Variants in CUX1 observed in about 807,000 individuals in gnomAD.
CUX1 encodes protein CASP.
In CUX1, 31 loss-of-function variants were observed where a neutral mutation model predicts 158.8. That is an observed-to-expected ratio of 0.20 (90% CI 0.15 to 0.26). The LOEUF (loss-of-function observed/expected upper bound fraction) is 0.26. CUX1 is among the 10% of genes least tolerant of loss of function. CUX1 has a pLI of 1.00. For missense variants in CUX1, 1,589 were observed against 2,014.6 expected, an observed-to-expected ratio of 0.79 and a Z score of 4.04; for synonymous variants, 879 against 862.1, an observed-to-expected ratio of 1.02 and a Z score of -0.34.
intron 2 of CUX1, among the ~76,000 whole-genome samples, chr7:101,971,943 T>C (rs74608574): frequency 0.012 from 1,754 of 152,264 alleles, 30 homozygotes; most frequent in African/African-American, 0.04. Context: ...GTGAGTTGGG[T>C]GATTTCAGAT....
Position 101,999,886 on chromosome 7 carries a change from G to A in CUX1, c.142-28212G>A, listed in dbSNP as rs186204338. 1.2e-3 allele frequency among the ~76,000 whole-genome samples: 179 copies of A among 151,894 alleles called. 2 individuals are homozygous for A. Among genetic ancestry groups the A allele is most frequent in the African/African-American group, 4.1e-3 (169 of 41,502 alleles). On this transcript the variant is annotated intron_variant, in intron 2 of 23. Coordinates refer to ENST00000292535, the MANE Select transcript of CUX1 (RefSeq NM_181552.4). ...CTGGTTTTATCAGTGGCATGCGTGC[G>A]TGTGTGTGTGCGTGTGTGTGTGCAT...
In CUX1 at chr7:102,252,064, C is replaced by T. The variant is rs1224418214; in HGVS notation, c.*3022C>T. ...CCAGACTTACATCTGGTGCCAGATACAATCAGTTGGTTAAATTTTGCTTGC... is the reference window on the plus strand; with the variant it reads ...CCAGACTTACATCTGGTGCCAGATATAATCAGTTGGTTAAATTTTGCTTGC... On this transcript the variant is annotated 3_prime_UTR_variant, in exon 24 of 24. Coordinates refer to ENST00000292535, the MANE Select transcript of CUX1 (RefSeq NM_181552.4). The T allele has an allele frequency of 3.0e-6, 3 of 985,266 alleles. No homozygotes were observed. The highest frequency in any genetic ancestry group is 3.6e-6 in the Non-Finnish European group (3 of 829,946). 61.0% of individuals were successfully genotyped at this position (985,266 alleles called of 1,614,324 possible).
chr7:102,119,297 T>A (rs528059606), intron 8 of CUX1, among the ~76,000 whole-genome samples: 22 of 152,272 alleles, frequency 1.4e-4, no homozygotes, highest in Admixed American at 1.3e-3. Flanking sequence ...CTCTCCCGTT[T>A]TGGAGAGAAG....
At position 102,248,718 on chromosome 7, in the gene CUX1, C is replaced by A; in HGVS notation, c.4194C>A (p.Gly1398=). 8.5e-7 allele frequency: 1 copy of A among 1,172,280 alleles called. No individual in the cohort carries two copies. The highest frequency in any genetic ancestry group is 4.9e-5 in the Admixed American group (1 of 20,216). The allele number at this position is 1,172,280 out of a possible 1,614,324, so 72.6% of individuals were successfully genotyped here. A position where few individuals can be genotyped will look rare whatever the true frequency, so the allele number is the denominator to read the frequency against. Residue 1398 remains glycine, a synonymous_variant, in exon 24 of 24, where the codon GGC becomes GGA. Transcript: ENST00000292535. This position sits in a 1 kb window ranked among gnomAD's most constrained non-coding sequence, Gnocchi z 5.8. Reference sequence around the variant, plus strand: ...ACCACGAGGGAGGCCCCGTGGAAGGCCCGGGGCCCCTGCCCAGCCCCGCCT... The same window carrying A: ...ACCACGAGGGAGGCCCCGTGGAAGGACCGGGGCCCCTGCCCAGCCCCGCCT... ...DDDHEGGPVE[G]PGPLPSPASA...
chr7:101,859,537 T>G (rs1391328055), intron 1 of CUX1, among the ~76,000 whole-genome samples: 4 of 152,202 alleles, frequency 2.6e-5, no homozygotes, highest in Admixed American at 2.6e-4. Flanking sequence ...CACTCCCTAT[T>G]TTTCTTCCCA....
At chr7:102,065,428 G>A (rs940282272) in intron 3 of CUX1, among the ~76,000 whole-genome samples, 1 of 152,124 alleles carries the variant, frequency 6.6e-6, no homozygotes, top group Non-Finnish European at 1.5e-5. Context: ...GCCCAGGCTG[G>A]TCTTGAACTC....
chr7:102,184,347 G>A (rs1455228047), intron 11 of CUX1, among the ~76,000 whole-genome samples: 1 of 152,234 alleles, frequency 6.6e-6, no homozygotes, highest in Non-Finnish European at 1.5e-5. Context: ...CAGCTGGGGA[G>A]CACCAGCTAG....
intron 2 of CUX1, among the ~76,000 whole-genome samples, chr7:101,922,410 T>C (rs1805061219): frequency 6.6e-6 from 1 of 152,340 alleles, no homozygotes; most frequent in African/African-American, 2.4e-5. Context: ...TTTTTATAGA[T>C]AAACAGTTCT....
intron 2 of CUX1, chr7:101,932,525 C>T: frequency 4.4e-6 from 2 of 450,266 alleles, no homozygotes; most frequent in Non-Finnish European, 9.0e-6. Flanking sequence ...CGTTCAGTTA[C>T]ATGTGCTTTT....
At chr7:101,823,492 G>A (rs569209613) in intron 1 of CUX1, among the ~76,000 whole-genome samples, 1 of 152,292 alleles carries the variant, frequency 6.6e-6, no homozygotes, top group African/African-American at 2.4e-5. Flanking sequence ...GACTCCATCA[G>A]CCGAAGCTTG....
At chr7:102,044,745 G>A (rs1247959213) in intron 3 of CUX1, among the ~76,000 whole-genome samples, 1 of 151,962 alleles carries the variant, frequency 6.6e-6, no homozygotes, top group African/African-American at 2.4e-5. Context: ...GTTCCTAGAC[G>A]CCCACAAGCA....
In CUX1 at chr7:102,250,773, TGA is replaced by T. The variant is rs1467570414; in HGVS notation, c.*1735_*1736del. On this transcript the variant is annotated 3_prime_UTR_variant, in exon 24 of 24. Transcript: ENST00000292535. ...GTATATGCGTGAGAATAGAGGCGGG[TGA>T]GAGTGTGCGTGCGTGTGCGTGTGTG... The T allele has an allele frequency of 8.1e-6, 8 of 985,210 alleles. No homozygotes were observed. The highest frequency in any genetic ancestry group is 1.7e-5 in the African/African-American group (1 of 57,292). 61.0% of individuals were successfully genotyped at this position (985,210 alleles called of 1,614,324 possible).
At chr7:102,056,186 C>T (rs1824100680) in intron 3 of CUX1, among the ~76,000 whole-genome samples, 1 of 152,212 alleles carries the variant, frequency 6.6e-6, no homozygotes, top group African/African-American at 2.4e-5. Flanking sequence ...GTGGAAGCTG[C>T]AGCAAGTTAT....
chr7:101,999,610 G>T (rs1020567933), intron 2 of CUX1, among the ~76,000 whole-genome samples: 4 of 152,176 alleles, frequency 2.6e-5, no homozygotes, highest in African/African-American at 9.7e-5. Flanking sequence ...CTCTGCTGAG[G>T]CTGGTGACAA....
At chr7:102,215,227 A>C (rs1452646614) in intron 20 of CUX1, among the ~76,000 whole-genome samples, 1 of 112,338 alleles carries the variant, frequency 8.9e-6, no homozygotes, top group South Asian at 3.2e-4. Context: ...TGGTTACTCC[A>C]ACTTTTTTTT....
chr7:101,816,194 C>T (rs1418573004), upstream of CUX1: 20 of 401,480 alleles, frequency 5.0e-5, no homozygotes, highest in Non-Finnish European at 4.0e-5. Flanking sequence ...CCGGGGGGCC[C>T]GCGGCGGCGG....
Position 102,282,925 on chromosome 7 carries a change from T to C in CUX1, c.1968-96T>C. The C allele has an allele frequency of 7.3e-6, 4 of 550,550 alleles. No individual in the cohort carries two copies. In the Admixed American group the frequency reaches 7.6e-5, roughly 10 times the overall value. 34.1% of individuals were successfully genotyped at this position (550,550 alleles called of 1,614,324 possible). A position where few individuals can be genotyped will look rare whatever the true frequency, so the allele number is the denominator to read the frequency against. ...GCCCTCCCCCTACCCCTACTCCCGG[T>C]ATCCACTACCCCCTAGCCCCACCCC... is the stretch of plus-strand genomic sequence containing the variant. On this transcript the variant is annotated intron_variant, in intron 22 of 22. Coordinates refer to the CUX1 transcript ENST00000292538.
At chr7:102,074,929 G>A (rs1046727042) in intron 4 of CUX1, among the ~76,000 whole-genome samples, 31 of 152,196 alleles carry the variant, frequency 2.0e-4, no homozygotes, top group Non-Finnish European at 3.2e-4. Flanking sequence ...TGTGATCTCC[G>A]CACACTGCAA....
chr7:102,222,811 C>A, intron 20 of CUX1, among the ~76,000 whole-genome samples: 1 of 25,526 alleles, frequency 3.9e-5, no homozygotes, highest in African/African-American at 1.7e-4. Flanking sequence ...GGCACCGTAT[C>A]TTTTTTTTTT....
Sources: gnomAD v4.1 joint callset for allele counts (sites outside exome capture counted in the v4.1 genomes callset) on GRCh38, gnomAD v4.1.1 for gene constraint, Gnocchi (gnomAD v3.1) non-coding constraint, MANE v1.5 for transcripts, NCBI Gene and HGNC (gene_info 2026-07-23, HGNC 2026-07-21) for gene names.